FCHSD1: variants seen among roughly 807,000 people sequenced by gnomAD.
The protein encoded by FCHSD1 is F-BAR and double SH3 domains protein 1.
Under a neutral mutation model 101.3 loss-of-function variants are expected in FCHSD1, and 109 were observed. The ratio of observed to expected loss-of-function variants is 1.08; its 90% CI spans 0.92 to 1.26. FCHSD1 has a LOEUF of 1.26. Ranked by LOEUF, FCHSD1 falls within the 50% of genes most tolerant of loss-of-function variation. The pLI, the probability that FCHSD1 is intolerant of heterozygous loss-of-function variation, is 0.00. For missense variants in FCHSD1, 820 were observed against 895.8 expected, an observed-to-expected ratio of 0.92 and a Z score of 1.08; for synonymous variants, 291 against 356.8, an observed-to-expected ratio of 0.82 and a Z score of 2.08.
Position 141,649,353 on chromosome 5 carries a change from T to C in FCHSD1, c.375+42A>G. 6.2e-7 allele frequency: 1 copy of C among 1,613,846 alleles called. No individual in the cohort carries two copies. Among genetic ancestry groups the C allele is most frequent in the Non-Finnish European group, 8.5e-7 (1 of 1,179,758 alleles). ...AAGTCCTTACCTAGACCACCTTTGG[T>C]CCCAAGCCAGCTCTTCCTTCACCCC... On this transcript the variant is annotated intron_variant, in intron 5 of 19. Transcript: ENST00000435817. The surrounding 1 kb of genome is among the most constrained non-coding windows in gnomAD (Gnocchi z 4.1).
chr5:141,647,174 G>A lies in FCHSD1; in HGVS notation c.885C>T (p.Pro295=), dbSNP rs776160649. The change falls in exon 10 of 20, where the codon CCC becomes CCT. Residue 295 remains proline (P), a synonymous_variant. Coordinates refer to ENST00000435817, the MANE Select transcript of FCHSD1 (RefSeq NM_033449.3). The stretch of plus-strand genomic sequence containing the variant: ...CTGGCTGAAACTGCTGAGGTGGGGT[G>A]GGGGAAAATACACCAGGCTCCTGAA... ...LFLQEPGVFS[P]TPPQQFQPAG... 21 of 1,609,688 alleles carry A rather than the reference G, an allele frequency of 1.3e-5. No homozygotes were observed. The highest frequency in any genetic ancestry group is 2.7e-5 in the African/African-American group (2 of 74,842).
At chr5:141,646,535 A>G in intron 11 of FCHSD1, 68 bp downstream of exon 11, 1 of 1,539,520 alleles carries the variant, frequency 6.5e-7, no homozygotes, top group Non-Finnish European at 8.8e-7. Context: ...TGGCTCCAAG[A>G]TCCCCTCTCT....
chr5:141,639,689 G>A lies in FCHSD1; in HGVS notation c.*1809C>T, dbSNP rs1427368785. 1 of 1,555,986 alleles carries A rather than the reference G, an allele frequency of 6.4e-7. No homozygotes were observed. The highest frequency in any genetic ancestry group is 2.3e-5 in the East Asian group (1 of 44,328). ...CCAGGGAAAGGGGGGCTGAGGTAGG[G>A]GGCCCAGTGATCAGGCACCTGATCC... On this transcript the variant is annotated 3_prime_UTR_variant, in exon 20 of 20. Transcript: ENST00000435817. This position sits in a 1 kb window ranked among gnomAD's most constrained non-coding sequence, Gnocchi z 4.4.
Position 141,639,600 on chromosome 5 carries a change from G to A in FCHSD1, c.*1898C>T. 6.2e-7 allele frequency: 1 copy of A among 1,613,716 alleles called. No individual in the cohort carries two copies. The highest frequency in any genetic ancestry group is 1.1e-5 in the South Asian group (1 of 91,038). On this transcript the variant is annotated 3_prime_UTR_variant, in exon 20 of 20. Transcript: ENST00000435817. The surrounding 1 kb of genome is among the most constrained non-coding windows in gnomAD (Gnocchi z 4.4). ...TGTCCGTCAGGGACGCTCCAAGGAAGGAAAAAGCCGCCCCCGGACAGGGGA... is the reference window on the plus strand; with the variant it reads ...TGTCCGTCAGGGACGCTCCAAGGAAAGAAAAAGCCGCCCCCGGACAGGGGA...
chr5:141,646,578 T>A (rs2099907692), intron 11 of FCHSD1, 25 bp downstream of exon 11: 1 of 1,601,830 alleles, frequency 6.2e-7, no homozygotes, highest in African/African-American at 1.3e-5. Context: ...AAGGTGCACA[T>A]GACACCTGTG....
In FCHSD1 at chr5:141,641,538, G is replaced by A; in HGVS notation, c.2033C>T (p.Ala678Val). 6.6e-7 allele frequency: 1 copy of A among 1,518,844 alleles called. No individual in the cohort carries two copies. The highest frequency in any genetic ancestry group is 8.8e-7 in the Non-Finnish European group (1 of 1,132,410). The allele number at this position is 1,518,844 out of a possible 1,614,324, so 94.1% of individuals were successfully genotyped here. A position where few individuals can be genotyped will look rare whatever the true frequency, so the allele number is the denominator to read the frequency against. ...TGGGTGGCCAGGATCCGGGGCTTTA[G>A]CCGGCGGGGGAGGTGGTGGACGCAT... ...RPMRPPPPPPAKAPDPGHPDP... is the reference protein window; with the variant it reads ...RPMRPPPPPPVKAPDPGHPDP... Residue 678 changes from alanine (A) to valine (V), a missense_variant, in exon 20 of 20, where the codon GCT (alanine) becomes GTT (valine). Physicochemically the swap from Ala to Val is moderately conservative, Grantham distance 64. Coordinates refer to ENST00000435817, the MANE Select transcript of FCHSD1 (RefSeq NM_033449.3).
At chr5:141,644,720 A>C (rs2099907438) in intron 15 of FCHSD1, 30 bp from the exon 16 acceptor site, 4 of 1,612,864 alleles carry the variant, frequency 2.5e-6, no homozygotes, top group Non-Finnish European at 3.4e-6. Flanking sequence ...AACAGATATT[A>C]GACTTACCTC....
intron 17 of FCHSD1, 72 bp downstream of exon 17, chr5:141,644,146 T>A (rs1469301605): frequency 7.2e-7 from 1 of 1,384,096 alleles, no homozygotes. Flanking sequence ...TTAAGATGAA[T>A]ATGAGGCTTT....
chr5:141,642,366 G>A (rs2099907023), intron 18 of FCHSD1: 6 of 684,944 alleles, frequency 8.8e-6, no homozygotes, highest in Non-Finnish European at 1.6e-5. Flanking sequence ...AAAGGTAGGA[G>A]TAGAGGCAGG....
chr5:141,641,963 G>A (rs1427629444), intron 18 of FCHSD1: 5 of 617,838 alleles, frequency 8.1e-6, no homozygotes, highest in Non-Finnish European at 1.4e-5. Flanking sequence ...CAAAACTAAG[G>A]GAGATAGGAT....
rs1229959751 is a variant in FCHSD1, at chr5:141,649,203, C to G, written c.481G>C (p.Ala161Pro). ...TGGACATCAGCCGCCTTCTCCTGTG[C>G]CAAGGCCCACACACGTTCCCGCTGC... ...YGQRERVWAL[A>P]QEKAADVQAR... Residue 161 changes from alanine to proline, a missense_variant, in exon 6 of 20, where the codon GCA becomes CCA. Transcript: ENST00000435817. This position sits in a 1 kb window ranked among gnomAD's most constrained non-coding sequence, Gnocchi z 4.1. 1 of 1,614,010 alleles carries G rather than the reference C, an allele frequency of 6.2e-7. No homozygotes were observed. Among genetic ancestry groups the G allele is most frequent in the South Asian group, 1.1e-5 (1 of 91,084 alleles).
In FCHSD1 at chr5:141,645,626, A is replaced by G. The variant is rs1033558393; in HGVS notation, c.1311+145T>C. 6 of 1,019,246 alleles carry G rather than the reference A, an allele frequency of 5.9e-6. No individual in the cohort carries two copies. In the Admixed American group the frequency reaches 1.5e-4, roughly 26 times the overall value. 63.1% of individuals were successfully genotyped at this position (1,019,246 alleles called of 1,614,324 possible). ...AGGACTCTATGCCAGAAATTATGCA[A>G]AGAATGATATATGATGATTTCACTT... On this transcript the variant is annotated intron_variant, in intron 13 of 19. Transcript: ENST00000435817.
At chr5:141,642,218 A>G (rs2099907005) in intron 18 of FCHSD1, 2 of 541,088 alleles carry the variant, frequency 3.7e-6, no homozygotes, top group Admixed American at 3.7e-5. Context: ...ATGGAGTTGG[A>G]TGCCATTATC....
intron 2 of FCHSD1, among the ~76,000 whole-genome samples, chr5:141,650,723 A>T (rs1327923650): frequency 6.6e-6 from 1 of 151,682 alleles, no homozygotes; most frequent in Non-Finnish European, 1.5e-5. Flanking sequence ...ACAGGTCTGG[A>T]AGAGGGAGAG....
At position 141,640,375 on chromosome 5, in the gene FCHSD1, C is replaced by T. The variant is rs1596455857; in HGVS notation, c.*1123G>A. 6.2e-7 allele frequency: 1 copy of T among 1,614,164 alleles called. No individual in the cohort carries two copies. ...TGGGGGGCACTGATAGGACCTACTC[C>T]TGGTCTCTCATTGTTGACCCCTCCC... is the stretch of plus-strand genomic sequence containing the variant. On this transcript the variant is annotated 3_prime_UTR_variant, in exon 20 of 20. Transcript: ENST00000435817.
rs1361484534 is a variant in FCHSD1 at position 141,644,370 on chromosome 5, C to T, written c.1711G>A (p.Ala571Thr). Residue 571 changes from alanine (A) to threonine (T), a missense_variant, in exon 17 of 20, where the codon GCA becomes ACA. Ala to Thr is a moderately conservative substitution (Grantham distance 58, BLOSUM62 0). Coordinates refer to ENST00000435817, the MANE Select transcript of FCHSD1 (RefSeq NM_033449.3). ...GCCCGGGGCAGCAGACGGATGAGTG[C>T]CCCCTCAGGGAAGCTCAGCTCCTCT... ...SAEELSFPEG[A>T]LIRLLPRAQD... The T allele has an allele frequency of 2.8e-5, 45 of 1,613,858 alleles. No individual in the cohort carries two copies. Among genetic ancestry groups the T allele is most frequent in the Non-Finnish European group, 3.6e-5 (43 of 1,179,886 alleles).
rs775517901 is a variant in FCHSD1 at position 141,649,629 on chromosome 5, A to G, written c.234-93T>C. 6 of 1,475,014 alleles carry G rather than the reference A, an allele frequency of 4.1e-6. No individual in the cohort carries two copies. Among genetic ancestry groups the G allele is most frequent in the Non-Finnish European group, 4.5e-6 (5 of 1,108,006 alleles). The allele number at this position is 1,475,014 out of a possible 1,614,324, so 91.4% of individuals were successfully genotyped here. A position where few individuals can be genotyped will look rare whatever the true frequency, so the allele number is the denominator to read the frequency against. On this transcript the variant is annotated intron_variant, in intron 4 of 19. Coordinates refer to ENST00000435817, the MANE Select transcript of FCHSD1 (RefSeq NM_033449.3). This position sits in a 1 kb window ranked among gnomAD's most constrained non-coding sequence, Gnocchi z 4.1. ...TGCCCCCTGACCAACACCATGGGAGACAGAGTGCTTTCCCATCCTCCCTTG... is the reference window on the plus strand; with the variant it reads ...TGCCCCCTGACCAACACCATGGGAGGCAGAGTGCTTTCCCATCCTCCCTTG...
chr5:141,650,199 C>T (rs1404462514), intron 3 of FCHSD1, among the ~76,000 whole-genome samples, 160 bp downstream of exon 3: 1 of 152,056 alleles, frequency 6.6e-6, no homozygotes, highest in East Asian at 1.9e-4. Context: ...GTAACTTGTC[C>T]AAGGTCACAT....
At position 141,640,046 on chromosome 5, in the gene FCHSD1, G is replaced by T. The variant is rs773022132; in HGVS notation, c.*1452C>A. On this transcript the variant is annotated 3_prime_UTR_variant, in exon 20 of 20. Coordinates refer to ENST00000435817, the MANE Select transcript of FCHSD1 (RefSeq NM_033449.3). Reference sequence around the variant, plus strand: ...GGGGTGGTCAGGGGTCTGGGGGAGGGCAGCCCAAGGCAGGGATGCCTGCCA... The same window carrying T: ...GGGGTGGTCAGGGGTCTGGGGGAGGTCAGCCCAAGGCAGGGATGCCTGCCA... 1 of 1,613,480 alleles carries T rather than the reference G, an allele frequency of 6.2e-7. No homozygotes were observed.
Sources: gnomAD v4.1 joint callset for allele counts (sites outside exome capture counted in the v4.1 genomes callset) on GRCh38, gnomAD v4.1.1 for gene constraint, Gnocchi (gnomAD v3.1) non-coding constraint, MANE v1.5 for transcripts, NCBI Gene and HGNC (gene_info 2026-07-23, HGNC 2026-07-21) for gene names.